CCDC148: variants seen among roughly 807,000 people sequenced by gnomAD.
CCDC148 encodes the protein coiled-coil domain containing 148.
Under a neutral mutation model 85.7 loss-of-function variants are expected in CCDC148, and 89 were observed. That is an observed-to-expected ratio of 1.04 (90% CI 0.87 to 1.24). CCDC148 has a LOEUF of 1.24. Among genes scored for constraint, CCDC148 ranks in the 50% most tolerant of loss-of-function variants. The probability of loss-of-function intolerance (pLI) is 0.00; values close to 1 mark genes in which losing one functional copy is unlikely to be tolerated. For synonymous variants in CCDC148, 230 were observed against 213.9 expected (o/e 1.08, Z -0.66); for missense variants, 692 against 671.7 (o/e 1.03, Z -0.33).
intron 1 of CCDC148, among the ~76,000 whole-genome samples, chr2:158,440,919 AC>A (rs1687905606): frequency 6.6e-6 from 1 of 152,114 alleles, no homozygotes; most frequent in Non-Finnish European, 1.5e-5. Flanking sequence ...AGTGGTGCAC[AC>A]CTGTAAGTAG....
intron 1 of CCDC148, among the ~76,000 whole-genome samples, chr2:158,436,506 T>C (rs1051956520): frequency 6.6e-6 from 1 of 152,180 alleles, no homozygotes; most frequent in African/African-American, 2.4e-5. Context: ...TAGCACTAAA[T>C]GCCCACAAGA....
At chr2:158,281,880 A>G (rs1249944561) in intron 9 of CCDC148, among the ~76,000 whole-genome samples, 3 of 152,180 alleles carry the variant, frequency 2.0e-5, no homozygotes, top group Admixed American at 2.0e-4. Context: ...AATCCTCAAT[A>G]AAATACTGGC....
At chr2:158,185,273 C>T (rs1685101243) in intron 11 of CCDC148, among the ~76,000 whole-genome samples, 2 of 152,112 alleles carry the variant, frequency 1.3e-5, no homozygotes, top group Non-Finnish European at 2.9e-5. Flanking sequence ...ATGGCTATTA[C>T]TGAACCTCTT....
At chr2:158,319,272 C>G (rs554487983) in intron 7 of CCDC148, among the ~76,000 whole-genome samples, 1 of 152,302 alleles carries the variant, frequency 6.6e-6, no homozygotes, top group East Asian at 1.9e-4. Context: ...GAAAAATGAG[C>G]CCCATCTCCA....
At chr2:158,318,522 G>A (rs1692383389) in intron 7 of CCDC148, among the ~76,000 whole-genome samples, 1 of 152,146 alleles carries the variant, frequency 6.6e-6, no homozygotes, top group Admixed American at 6.5e-5. Context: ...CAGAATAGGA[G>A]GCTAAGAGAT....
At chr2:158,341,877 C>T (rs1682712839) in intron 3 of CCDC148, among the ~76,000 whole-genome samples, 1 of 148,314 alleles carries the variant, frequency 6.7e-6, no homozygotes, top group Non-Finnish European at 1.5e-5. Context: ...ATGGTCATAA[C>T]ATGGCATATT....
intron 9 of CCDC148, among the ~76,000 whole-genome samples, chr2:158,256,158 T>A (rs1285712900): frequency 2.0e-5 from 3 of 151,768 alleles, no homozygotes; most frequent in African/African-American, 7.3e-5. Flanking sequence ...TAACACAATT[T>A]TACATCAAAG....
chr2:158,177,912 A>G (rs1352589972), intron 12 of CCDC148: 2 of 152,124 alleles, frequency 1.3e-5, no homozygotes, highest in South Asian at 2.1e-4. Flanking sequence ...AAATGGGGAT[A>G]TTAATATTGC....
intron 1 of CCDC148, among the ~76,000 whole-genome samples, chr2:158,367,400 T>G (rs559827491): frequency 6.6e-6 from 1 of 152,102 alleles, no homozygotes; most frequent in Non-Finnish European, 1.5e-5. Context: ...CTCTTATTGG[T>G]TAGTTGTGTA....
At chr2:158,248,419 T>C (rs1688657791) in intron 10 of CCDC148, among the ~76,000 whole-genome samples, 1 of 152,166 alleles carries the variant, frequency 6.6e-6, no homozygotes, top group Non-Finnish European at 1.5e-5. Context: ...TAAAAAAATA[T>C]TTTATAAATG....
chr2:158,354,681 C>A (rs1297017110), intron 2 of CCDC148, among the ~76,000 whole-genome samples: 1 of 151,952 alleles, frequency 6.6e-6, no homozygotes, highest in Non-Finnish European at 1.5e-5. Flanking sequence ...CCTTCTGAAA[C>A]TATTCCAATC....
intron 10 of CCDC148, among the ~76,000 whole-genome samples, chr2:158,232,064 A>T (rs1687880971): frequency 7.8e-6 from 1 of 127,576 alleles, no homozygotes; most frequent in South Asian, 3.3e-4. Context: ...ATGATAGAAG[A>T]ATCAGAAAGT....
At chr2:158,200,708 C>T (rs781532192) in intron 11 of CCDC148, among the ~76,000 whole-genome samples, 19 of 152,250 alleles carry the variant, frequency 1.2e-4, no homozygotes, top group Non-Finnish European at 2.5e-4. Flanking sequence ...GATGCTAAAT[C>T]AGTACACTTG....
intron 9 of CCDC148, among the ~76,000 whole-genome samples, chr2:158,277,621 G>C (rs1354686534): frequency 1.3e-5 from 2 of 151,878 alleles, no homozygotes; most frequent in East Asian, 1.9e-4. Flanking sequence ...TTTTGAGACA[G>C]AGTCTTGCTC....
intron 11 of CCDC148, among the ~76,000 whole-genome samples, chr2:158,220,019 A>G (rs1225185240): frequency 6.6e-6 from 1 of 152,244 alleles, no homozygotes; most frequent in Non-Finnish European, 1.5e-5. Flanking sequence ...TAACTGATAC[A>G]GTAACTTTGG....
intron 1 of CCDC148, among the ~76,000 whole-genome samples, chr2:158,367,555 C>T (rs1327652809): frequency 5.9e-5 from 9 of 152,090 alleles, no homozygotes; most frequent in African/African-American, 2.2e-4. Flanking sequence ...CTAATTTTTT[C>T]CTCCTGGTTT....
intron 7 of CCDC148, among the ~76,000 whole-genome samples, chr2:158,324,698 A>C: frequency 6.6e-6 from 1 of 151,750 alleles, no homozygotes; most frequent in East Asian, 1.9e-4. Flanking sequence ...CATTTCTCCC[A>C]TACCATTTTA....
chr2:158,413,732 G>A (rs1428349427), intron 1 of CCDC148, among the ~76,000 whole-genome samples: 1 of 152,044 alleles, frequency 6.6e-6, no homozygotes, highest in Non-Finnish European at 1.5e-5. Flanking sequence ...CAGTTGTGTA[G>A]CATGAGAGTT....
intron 1 of CCDC148, among the ~76,000 whole-genome samples, chr2:158,452,187 C>T (rs565519290): frequency 6.6e-6 from 1 of 152,216 alleles, no homozygotes; most frequent in East Asian, 1.9e-4. Flanking sequence ...AATTTTTGAC[C>T]TATACCATCG....
Sources: allele counts gnomAD v4.1 joint callset (sites outside exome capture counted in the v4.1 genomes callset), GRCh38; gene constraint gnomAD v4.1.1; transcripts MANE v1.5; gene names NCBI Gene and HGNC (gene_info 2026-07-23, HGNC 2026-07-21).